STAB2: variants seen among roughly 807,000 people sequenced by gnomAD.
The protein encoded by STAB2 is stabilin-2.
STAB2 carries 288 observed loss-of-function variants against 338.1 expected under a neutral mutation model. The observed-to-expected ratio is 0.85, with a 90% CI of 0.77 to 0.94. The LOEUF (loss-of-function observed/expected upper bound fraction) is 0.94, where lower values mean the gene tolerates loss of function less well. Among genes scored for constraint, STAB2 ranks in the 40% least tolerant of loss-of-function variants. STAB2 has a pLI of 0.00. For missense variants in STAB2, 3,141 were observed against 3,210.1 expected (o/e 0.98, Z 0.52); for synonymous variants, 1,202 against 1,193.3 (o/e 1.01, Z -0.15).
At chr12:103,747,340 A>G (rs941648045) in intron 58 of STAB2, among the ~76,000 whole-genome samples, 13 of 152,150 alleles carry the variant, frequency 8.5e-5, no homozygotes, top group Non-Finnish European at 1.6e-4. Context: ...GATGTTTCCT[A>G]TTGTCTCATA....
At chr12:103,753,761 G>C (rs1032169527) in intron 61 of STAB2, among the ~76,000 whole-genome samples, 3 of 152,194 alleles carry the variant, frequency 2.0e-5, no homozygotes, top group Admixed American at 2.0e-4. Flanking sequence ...AGGCAGAAGT[G>C]GAGACTGGAA....
rs532144646 is a variant in STAB2 at position 103,634,303 on chromosome 12, G to T, written c.583+2610G>T. On this transcript the variant is annotated intron_variant, in intron 6 of 68. Coordinates refer to ENST00000388887, the MANE Select transcript of STAB2 (RefSeq NM_017564.10). The stretch of plus-strand genomic sequence containing the variant: ...CAGATACCACATGAACTGCTAGCTT[G>T]AGTTGGTTCACAATTTCAACATGAG... 4.6e-5 allele frequency among the ~76,000 whole-genome samples: 7 copies of T among 152,304 alleles called. No homozygotes were observed. In the South Asian group the frequency reaches 1.2e-3, roughly 27 times the overall value.
intron 22 of STAB2, among the ~76,000 whole-genome samples, chr12:103,671,948 A>T (rs1250361932): frequency 6.6e-6 from 1 of 152,228 alleles, no homozygotes; most frequent in Non-Finnish European, 1.5e-5. Flanking sequence ...TGAAGTCCCC[A>T]CACTCCAGCC....
At position 103,728,984 on chromosome 12, in the gene STAB2, T is replaced by C; in HGVS notation, c.5071T>C (p.Ser1691Pro). 1 of 1,613,956 alleles carries C rather than the reference T, an allele frequency of 6.2e-7. No homozygotes were observed. Among genetic ancestry groups the C allele is most frequent in the East Asian group, 2.2e-5 (1 of 44,890 alleles). The part of the protein sequence containing the change: ...TSLQGEPIVI[S>P]VSQSTVYINN... ...CCTCCAAGGAGAGCCAATAGTCATC[T>C]CCGTCTCTCAGGTAGATGCCAGTTA... Residue 1691 changes from serine (S) to proline (P), a missense_variant, in exon 48 of 69, where the codon TCC (serine) becomes CCC (proline). Ser to Pro is a moderately conservative substitution (Grantham distance 74). Transcript: ENST00000388887.
chr12:103,613,064 C>T (rs766900557), intron 3 of STAB2, among the ~76,000 whole-genome samples: 1 of 152,138 alleles, frequency 6.6e-6, no homozygotes, highest in Non-Finnish European at 1.5e-5. Flanking sequence ...TCTCAGAGGG[C>T]TACCCGGCCG....
At chr12:103,746,557 C>T in intron 57 of STAB2, 40 bp from the exon 58 acceptor site, 1 of 1,598,334 alleles carries the variant, frequency 6.3e-7, no homozygotes, top group South Asian at 1.1e-5. Context: ...TAACTCTTCA[C>T]ACCATGGGTA....
chr12:103,652,768 C>G (rs983346614), intron 12 of STAB2, 63 bp downstream of exon 12: 1 of 1,437,864 alleles, frequency 7.0e-7, no homozygotes, highest in Non-Finnish European at 9.2e-7. Context: ...TGCCCATATC[C>G]TTCTCTCTCT....
Position 103,692,905 on chromosome 12 carries a change from C to G in STAB2, c.3375+16C>G. 1 of 1,603,424 alleles carries G rather than the reference C, an allele frequency of 6.2e-7. No individual in the cohort carries two copies. The highest frequency in any genetic ancestry group is 8.5e-7 in the Non-Finnish European group (1 of 1,170,930). On this transcript the variant is annotated intron_variant, in intron 31 of 68. Transcript: ENST00000388887. ...CATCAACAAGGTACAAGATTCCATTCTCCTGTGCGTGCAGCATCTCTTTTC... is the reference window on the plus strand; with the variant it reads ...CATCAACAAGGTACAAGATTCCATTGTCCTGTGCGTGCAGCATCTCTTTTC...
intron 11 of STAB2, among the ~76,000 whole-genome samples, chr12:103,651,461 A>G (rs1328416239): frequency 6.7e-6 from 1 of 150,186 alleles, no homozygotes; most frequent in Non-Finnish European, 1.5e-5. Flanking sequence ...CTACAGGCAC[A>G]TGCTACCATG....
At chr12:103,631,750 C>A (rs144958203) in intron 6 of STAB2, 57 bp downstream of exon 6, 5 of 1,543,324 alleles carry the variant, frequency 3.2e-6, no homozygotes, top group Non-Finnish European at 4.5e-6. Flanking sequence ...CAAATGTATG[C>A]ATTTCAATTT....
In STAB2 at chr12:103,739,480, T is replaced by A; in HGVS notation, c.5754+12T>A. The A allele has an allele frequency of 6.3e-7, 1 of 1,577,246 alleles. No homozygotes were observed. ...GGAGTAAACCAAAGGTAATTAAGAC[T>A]GCAGTGATAATGTTTGGAGAGCCAT... On this transcript the variant is annotated intron_variant, in intron 54 of 68. Transcript: ENST00000388887.
intron 34 of STAB2, among the ~76,000 whole-genome samples, chr12:103,701,347 A>G (rs1374330193): frequency 6.6e-6 from 1 of 152,196 alleles, no homozygotes; most frequent in Non-Finnish European, 1.5e-5. Flanking sequence ...AGCATGATTT[A>G]TAGTCCTTTG....
rs779768798 is a variant in STAB2, at chr12:103,648,680, C to T, written c.1041-10C>T. On this transcript the variant is annotated splice_polypyrimidine_tract_variant and intron_variant, in intron 9 of 68. Transcript: ENST00000388887. ...AAAACCCTGAGGATGTCTTTTCCCC[C>T]TCTCTGTAGATGCATTTGCCAGAAA... is the stretch of plus-strand genomic sequence containing the variant. The T allele has an allele frequency of 2.5e-6, 4 of 1,612,652 alleles. No individual in the cohort carries two copies. The highest frequency in any genetic ancestry group is 3.4e-6 in the Non-Finnish European group (4 of 1,179,308).
intron 54 of STAB2, among the ~76,000 whole-genome samples, 167 bp downstream of exon 54, chr12:103,739,635 G>T (rs978694766): frequency 2.0e-5 from 3 of 151,644 alleles, no homozygotes; most frequent in Admixed American, 2.0e-4. Context: ...AAGCCAATGG[G>T]GTAAGATAGA....
intron 42 of STAB2, among the ~76,000 whole-genome samples, chr12:103,714,697 A>G (rs1260467006): frequency 2.0e-5 from 3 of 152,126 alleles, no homozygotes; most frequent in African/African-American, 7.2e-5. Flanking sequence ...CAAAAAAAAA[A>G]AAAAACCATT....
At chr12:103,640,032 T>C (rs1872787856) in intron 8 of STAB2, 91 bp from the exon 9 acceptor site, 2 of 1,463,576 alleles carry the variant, frequency 1.4e-6, no homozygotes, top group South Asian at 2.8e-5. Flanking sequence ...AGTGAGTTTT[T>C]ATGGAAGAAT....
At position 103,758,234 on chromosome 12, in the gene STAB2, T is replaced by G. The variant is rs770836504; in HGVS notation, c.7052T>G (p.Leu2351Arg). 2 of 1,614,122 alleles carry G rather than the reference T, an allele frequency of 1.2e-6. No homozygotes were observed. Among genetic ancestry groups the G allele is most frequent in the Non-Finnish European group, 1.7e-6 (2 of 1,180,034 alleles). Residue 2351 changes from leucine to arginine, a missense_variant, in exon 64 of 69, where the codon CTG becomes CGG. Transcript: ENST00000388887. ...GRAFLEHLTD[L>R]SIRGTLFVPQ... ...GCATTTCTAGAACACCTGACTGACCTGTCCATCCGCGGCACCCTCTTTGTG... is the reference window on the plus strand; with the variant it reads ...GCATTTCTAGAACACCTGACTGACCGGTCCATCCGCGGCACCCTCTTTGTG...
rs1261831002 is a variant in STAB2 at position 103,621,726 on chromosome 12, A to G, written c.418-316A>G. Among the ~76,000 whole-genome samples the G allele has an allele frequency of 3.3e-5, 5 of 152,358 alleles. No homozygotes were observed. The East Asian group carries it at 9.6e-4, about 29-fold the overall frequency. ...TGACGGAGCGAGACTCAGTCTCAAA[A>G]CAAAAATGCAAAACTGAAAGCATTT... On this transcript the variant is annotated intron_variant, in intron 4 of 68. Coordinates refer to ENST00000388887, the MANE Select transcript of STAB2 (RefSeq NM_017564.10).
In STAB2 at chr12:103,648,705, A is replaced by G; in HGVS notation, c.1056A>G (p.Lys352=). 1 of 1,613,828 alleles carries G rather than the reference A, an allele frequency of 6.2e-7. No homozygotes were observed. Among genetic ancestry groups the G allele is most frequent in the Non-Finnish European group, 8.5e-7 (1 of 1,179,906 alleles). The part of the protein sequence containing the change: ...APGRTECICQ[K]GYVGDGLTCY... ...CTCTCTGTAGATGCATTTGCCAGAA[A>G]GGTTACGTGGGTGATGGCTTAACGT... The change falls in exon 10 of 69, where the codon AAA becomes AAG. Residue 352 remains lysine, a synonymous_variant. Coordinates refer to ENST00000388887, the MANE Select transcript of STAB2 (RefSeq NM_017564.10).
Sources: gnomAD v4.1 joint callset for allele counts (sites outside exome capture counted in the v4.1 genomes callset) on GRCh38, gnomAD v4.1.1 for gene constraint, MANE v1.5 for transcripts, NCBI Gene and HGNC (gene_info 2026-07-23, HGNC 2026-07-21) for gene names.